PPARGC1A: variants seen among roughly 807,000 people sequenced by gnomAD.
PPARGC1A encodes peroxisome proliferator-activated receptor gamma coactivator 1-alpha.
A neutral mutation model predicts 88.7 loss-of-function variants in PPARGC1A; 25 were observed. The ratio of observed to expected loss-of-function variants is 0.28; its 90% CI spans 0.21 to 0.39. PPARGC1A has a LOEUF of 0.39. PPARGC1A is among the 10% of genes least tolerant of loss of function. PPARGC1A has a pLI of 1.00. For missense variants in PPARGC1A, 880 were observed against 968.7 expected (o/e 0.91, Z 1.22); for synonymous variants, 363 against 355.6 (o/e 1.02, Z -0.24).
At chr4:24,459,158 G>A in the PPARGC1A span, among the ~76,000 whole-genome samples, 2 of 152,056 alleles carry the variant, frequency 1.3e-5, no homozygotes, top group South Asian at 4.2e-4. Flanking sequence ...TTAATTAAAA[G>A]GTAAAATATA....
the PPARGC1A span, among the ~76,000 whole-genome samples, chr4:24,156,808 A>G: frequency 6.7e-6 from 1 of 149,486 alleles, no homozygotes; most frequent in African/African-American, 2.5e-5. Context: ...GTTCAGAACT[A>G]CCTGAAAGGG....
the PPARGC1A span, among the ~76,000 whole-genome samples, chr4:24,407,040 A>G: frequency 6.6e-6 from 1 of 152,270 alleles, no homozygotes; most frequent in African/African-American, 2.4e-5. Flanking sequence ...TATGGTGGCC[A>G]TAGATACATA....
the PPARGC1A span, among the ~76,000 whole-genome samples, chr4:23,993,966 T>C: frequency 6.6e-6 from 1 of 152,142 alleles, no homozygotes; most frequent in Non-Finnish European, 1.5e-5. Context: ...GGGACTTCAA[T>C]ATTAAAAAGG....
chr4:24,123,918 A>C, the PPARGC1A span, among the ~76,000 whole-genome samples: 8 of 151,694 alleles, frequency 5.3e-5, no homozygotes, highest in South Asian at 2.1e-4. Flanking sequence ...GGCAAAAAAA[A>C]AAAAAAACAA....
chr4:24,211,532 T>G, the PPARGC1A span, among the ~76,000 whole-genome samples: 1 of 152,024 alleles, frequency 6.6e-6, no homozygotes, highest in Non-Finnish European at 1.5e-5. Flanking sequence ...CTGCCCTATG[T>G]GCGTGCATGG....
In PPARGC1A at chr4:23,890,026, T is replaced by C; in HGVS notation, c.-69A>G. ...CACAGTGACACAGAGCACACACTCA[T>C]GCAGGCAACCAGCCCCTTACTGAGA... On this transcript the variant is annotated 5_prime_UTR_variant, in exon 1 of 13. It removes an upstream start codon present in the reference 5' UTR. Coordinates refer to ENST00000264867, the MANE Select transcript of PPARGC1A (RefSeq NM_013261.5). The C allele has an allele frequency of 1.2e-6, 2 of 1,604,414 alleles. No homozygotes were observed. Among genetic ancestry groups the C allele is most frequent in the Non-Finnish European group, 1.7e-6 (2 of 1,175,420 alleles).
chr4:24,325,184 C>T, the PPARGC1A span, among the ~76,000 whole-genome samples: 63 of 152,284 alleles, frequency 4.1e-4, no homozygotes, highest in African/African-American at 1.3e-3. Context: ...AACCCTGAGA[C>T]GCTTTACAGC....
chr4:23,802,596 G>T (rs1718995028), intron 10 of PPARGC1A, among the ~76,000 whole-genome samples: 1 of 145,266 alleles, frequency 6.9e-6, no homozygotes, highest in African/African-American at 2.6e-5. Context: ...AGAATTGCTT[G>T]AACCCGGGAG....
the PPARGC1A span, among the ~76,000 whole-genome samples, chr4:24,332,941 C>T: frequency 6.6e-6 from 1 of 152,104 alleles, no homozygotes; most frequent in South Asian, 2.1e-4. Context: ...TGAGTAAATA[C>T]TTTAAAAGTG....
the PPARGC1A span, among the ~76,000 whole-genome samples, chr4:24,083,236 G>A: frequency 6.6e-6 from 1 of 152,120 alleles, no homozygotes; most frequent in Non-Finnish European, 1.5e-5. Flanking sequence ...ACTACTAGAA[G>A]AGAACCATCA....
chr4:24,222,555 T>C, the PPARGC1A span, among the ~76,000 whole-genome samples: 221 of 152,324 alleles, frequency 1.5e-3, 1 homozygote, highest in African/African-American at 4.5e-3. Context: ...GTGATTACAC[T>C]GAATCCCTCC....
At chr4:23,834,377 T>C (rs1349290115) in intron 2 of PPARGC1A, among the ~76,000 whole-genome samples, 1 of 151,838 alleles carries the variant, frequency 6.6e-6, no homozygotes, top group Non-Finnish European at 1.5e-5. Context: ...TAATCTCAGC[T>C]ACTCAGGAGG....
the PPARGC1A span, among the ~76,000 whole-genome samples, chr4:24,108,996 TCACA>T: frequency 1.4e-4 from 19 of 139,188 alleles, no homozygotes; most frequent in Non-Finnish European, 2.4e-4. Context: ...GCTATAAAAA[TCACA>T]CACACACACA....
At chr4:24,126,366 C>T in the PPARGC1A span, among the ~76,000 whole-genome samples, 1 of 151,892 alleles carries the variant, frequency 6.6e-6, no homozygotes, top group East Asian at 1.9e-4. Flanking sequence ...CAGTAATGCC[C>T]TTTGCAGTCT....
intron 2 of PPARGC1A, among the ~76,000 whole-genome samples, chr4:23,850,333 G>T (rs1729053273): frequency 6.6e-6 from 1 of 152,164 alleles, no homozygotes. Context: ...CATAAGAAGA[G>T]AAGCAAGAAT....
the PPARGC1A span, among the ~76,000 whole-genome samples, chr4:24,128,530 CAGTGTG>C: frequency 7.5e-5 from 8 of 106,796 alleles, no homozygotes; most frequent in Non-Finnish European, 1.5e-4. Context: ...CAGCCTGTCA[CAGTGTG>C]TGTGTGTGTG....
At chr4:24,005,865 C>T in the PPARGC1A span, among the ~76,000 whole-genome samples, 6 of 151,928 alleles carry the variant, frequency 3.9e-5, no homozygotes, top group African/African-American at 7.3e-5. Context: ...TATACAGGGT[C>T]GGGGGCTCAG....
chr4:24,193,224 CT>C, the PPARGC1A span, among the ~76,000 whole-genome samples: 4 of 152,154 alleles, frequency 2.6e-5, no homozygotes, highest in Non-Finnish European at 5.9e-5. Context: ...CCTGAGCTGT[CT>C]TCTAGCTGCA....
At chr4:24,441,750 AG>A in the PPARGC1A span, among the ~76,000 whole-genome samples, 1 of 152,118 alleles carries the variant, frequency 6.6e-6, no homozygotes, top group Non-Finnish European at 1.5e-5. Flanking sequence ...GGGGAGGAAA[AG>A]GGTGGAAGAA....
Sources: allele counts gnomAD v4.1 joint callset (sites outside exome capture counted in the v4.1 genomes callset), GRCh38; gene constraint gnomAD v4.1.1; transcripts MANE v1.5; gene names NCBI Gene and HGNC (gene_info 2026-07-23, HGNC 2026-07-21).